The following KIF18B variants were observed in gnomAD, a reference collection of about 807,000 sequenced individuals.
KIF18B encodes the protein kinesin family member 18B.
Under a neutral mutation model 80.9 loss-of-function variants are expected in KIF18B, and 49 were observed. That is an observed-to-expected ratio of 0.61 (90% CI 0.48 to 0.77). The LOEUF (loss-of-function observed/expected upper bound fraction) is 0.77, where lower values mean the gene tolerates loss of function less well. Ranked by LOEUF, KIF18B falls within the 30% of genes least tolerant of loss-of-function variation. The pLI is 0.00. For missense variants in KIF18B, 994 were observed against 1,127.7 expected (o/e 0.88, Z 1.70); for synonymous variants, 439 against 463.9 (o/e 0.95, Z 0.69).
In KIF18B at chr17:44,928,894, G is replaced by T. The variant is rs977303024; in HGVS notation, c.1648C>A (p.Pro550Thr). Residue 550 changes from proline to threonine, a missense_variant, in exon 12 of 16, where the codon CCT (proline) becomes ACT (threonine). Pro to Thr is a conservative substitution (Grantham distance 38, BLOSUM62 -1). Transcript: ENST00000593135. ...QQLVQEEKIEPGAEALRTSGL... is the reference protein window; with the variant it reads ...QQLVQEEKIETGAEALRTSGL... ...GAAGTCCTCAAGGCCTCTGCCCCAG[G>T]CTCAATTTTTTCCTCTTGCACCAGC... is the stretch of plus-strand genomic sequence containing the variant. The T allele has an allele frequency of 1.2e-6, 2 of 1,613,986 alleles. No homozygotes were observed. Among genetic ancestry groups the T allele is most frequent in the Non-Finnish European group, 1.7e-6 (2 of 1,179,866 alleles).
Position 44,928,497 on chromosome 17 carries a change from C to T in KIF18B, c.1805G>A (p.Gly602Asp), listed in dbSNP as rs1270062602. Residue 602 changes from glycine (G) to aspartate (D), a missense_variant, in exon 13 of 16, where the codon GGC (glycine) becomes GAC (aspartate). Coordinates refer to ENST00000593135, the MANE Select transcript of KIF18B (RefSeq NM_001265577.2). ...CGGGATTCCCAGGGTGTGCAGGGGG[C>T]CACTCAGTCGCCTCGCCATAGTCCG... ...VTRTMARRLS[G>D]PLHTLGIPPG... 3 of 1,503,184 alleles carry T rather than the reference C, an allele frequency of 2.0e-6. No individual in the cohort carries two copies. The highest frequency in any genetic ancestry group is 2.7e-6 in the Non-Finnish European group (3 of 1,131,320). The allele number at this position is 1,503,184 out of a possible 1,614,324, so 93.1% of individuals were successfully genotyped here.
chr17:44,936,622 ATATTTTTTTTTTTTTTTTTTTTTT>A (rs2052315697), intron 1 of KIF18B, among the ~76,000 whole-genome samples: 1 of 43,848 alleles, frequency 2.3e-5, no homozygotes, highest in Non-Finnish European at 4.0e-5. Flanking sequence ...ATATATATAT[ATATTTTTTTTTTTTTTTTTTTTTT>A]TTTTTTTTTT....
At chr17:44,939,889 T>G (rs927688990) in intron 1 of KIF18B, among the ~76,000 whole-genome samples, 2 of 152,224 alleles carry the variant, frequency 1.3e-5, no homozygotes, top group African/African-American at 4.8e-5. Context: ...CTTGGCTCAC[T>G]GCAACCTCCG....
At position 44,936,417 on chromosome 17, in the gene KIF18B, C is replaced by T. The variant is rs765549909; in HGVS notation, c.-14-59G>A. On this transcript the variant is annotated intron_variant, in intron 1 of 15. Coordinates refer to ENST00000593135, the MANE Select transcript of KIF18B (RefSeq NM_001265577.2). ...CCACCCCAGGCCTGACCAGGTGCCC[C>T]CTCAGTACTCCAAGGTCCCCTCCAC... The T allele has an allele frequency of 1.2e-5, 18 of 1,451,810 alleles. 2 individuals are homozygous for T. The South Asian group carries it at 2.0e-4, about 16-fold the overall frequency. 89.9% of individuals were successfully genotyped at this position (1,451,810 alleles called of 1,614,324 possible).
Position 44,924,768 on chromosome 17 carries a change from T to C in KIF18B, c.*1312A>G, listed in dbSNP as rs542744923. On this transcript the variant is annotated 3_prime_UTR_variant, in exon 16 of 16. Transcript: ENST00000593135. The stretch of plus-strand genomic sequence containing the variant: ...ATATATGTATATATCTATATATATA[T>C]GCAGAAATAAAGGATCAGAAGGCTA... The C allele has an allele frequency of 3.9e-5, 6 of 152,292 alleles. No individual in the cohort carries two copies. The highest frequency in any genetic ancestry group is 2.1e-4 in the South Asian group (1 of 4,834). The allele number at this position is 152,292 out of a possible 1,614,324, so 9.4% of individuals were successfully genotyped here.
intron 1 of KIF18B, among the ~76,000 whole-genome samples, chr17:44,945,111 G>A (rs947302073): frequency 6.6e-6 from 1 of 152,178 alleles, no homozygotes; most frequent in Admixed American, 6.5e-5. Flanking sequence ...CTAGGGTAGA[G>A]TGCAGTGGCG....
Position 44,928,502 on chromosome 17 carries a change from C to G in KIF18B, c.1800G>C (p.Leu600=). 6.7e-7 allele frequency: 1 copy of G among 1,497,800 alleles called. No homozygotes were observed. Among genetic ancestry groups the G allele is most frequent in the Non-Finnish European group, 8.9e-7 (1 of 1,128,942 alleles). The allele number at this position is 1,497,800 out of a possible 1,614,324, so 92.8% of individuals were successfully genotyped here. A position where few individuals can be genotyped will look rare whatever the true frequency, so the allele number is the denominator to read the frequency against. ...TTCCCAGGGTGTGCAGGGGGCCACT[C>G]AGTCGCCTCGCCATAGTCCGGGTCA... ...GPVTRTMARR[L]SGPLHTLGIP... Residue 600 remains leucine, a synonymous_variant, in exon 13 of 16, where the codon CTG becomes CTC. Transcript: ENST00000593135.
intron 1 of KIF18B, among the ~76,000 whole-genome samples, chr17:44,938,492 A>G (rs919570588): frequency 2.0e-4 from 30 of 152,184 alleles, no homozygotes; most frequent in African/African-American, 6.7e-4. Flanking sequence ...TATAGCTTTT[A>G]TGTCATACTT....
At position 44,934,332 on chromosome 17, in the gene KIF18B, G is replaced by T; in HGVS notation, c.786C>A (p.Ser262=). ...LIDLAGSERA[S]STHAKGERLR... ...GCCGCTCCCCCTTCGCATGGGTGCT[G>T]GATGCCCGCTCTGAGCCAGCCAGGT... The change falls in exon 6 of 16, where the codon TCC becomes TCA. Residue 262 remains serine (S), a synonymous_variant. Coordinates refer to ENST00000593135, the MANE Select transcript of KIF18B (RefSeq NM_001265577.2). The surrounding 1 kb of genome is among the most constrained non-coding windows in gnomAD (Gnocchi z 5.4). 1 of 1,609,052 alleles carries T rather than the reference G, an allele frequency of 6.2e-7. No individual in the cohort carries two copies.
chr17:44,944,374 C>G (rs2052473340), intron 1 of KIF18B, among the ~76,000 whole-genome samples: 1 of 152,046 alleles, frequency 6.6e-6, no homozygotes, highest in African/African-American at 2.4e-5. Flanking sequence ...TCCTGAGTAG[C>G]TGGGACTACA....
At position 44,935,277 on chromosome 17, in the gene KIF18B, C is replaced by T. The variant is rs117875850; in HGVS notation, c.453G>A (p.Val151=). ...EARQQEKHFE[V]LISYQEVYNE... is the part of the protein sequence containing the mutation. ...AGCCGACCTCCTGGTAGCTGATGAG[C>T]ACCTCGAAGTGCTTCTCCTGCTGGC... is the stretch of plus-strand genomic sequence containing the variant. The change falls in exon 3 of 16, where the codon GTG becomes GTA. Residue 151 remains valine, a synonymous_variant. Coordinates refer to ENST00000593135, the MANE Select transcript of KIF18B (RefSeq NM_001265577.2). The T allele has an allele frequency of 6.2e-7, 1 of 1,608,090 alleles. No homozygotes were observed. The highest frequency in any genetic ancestry group is 8.5e-7 in the Non-Finnish European group (1 of 1,176,430).
Position 44,936,308 on chromosome 17 carries a change from G to A in KIF18B, c.37C>T (p.Arg13Trp), listed in dbSNP as rs779877640. The A allele has an allele frequency of 5.6e-6, 9 of 1,609,392 alleles. No individual in the cohort carries two copies. The highest frequency in any genetic ancestry group is 1.3e-5 in the African/African-American group (1 of 74,792). ...TCCCGAGGGGTGGGGGGCCGCACCC[G>A]TACCACTACTTGCAGCGTGCTGTCC... Reference protein sequence around the residue: ...VEDSTLQVVVRVRPPTPRELD... With the variant: ...VEDSTLQVVVWVRPPTPRELD... Residue 13 changes from arginine to tryptophan, a missense_variant, in exon 2 of 16, where the codon CGG becomes TGG. By Grantham distance (101) the Arg-to-Trp change is moderately radical. Transcript: ENST00000593135.
At position 44,925,987 on chromosome 17, in the gene KIF18B, A is replaced by G; in HGVS notation, c.*93T>C. The G allele has an allele frequency of 7.3e-7, 1 of 1,369,250 alleles. No homozygotes were observed. The highest frequency in any genetic ancestry group is 1.0e-6 in the Non-Finnish European group (1 of 967,272). 84.8% of individuals were successfully genotyped at this position (1,369,250 alleles called of 1,614,324 possible). A position where few individuals can be genotyped will look rare whatever the true frequency, so the allele number is the denominator to read the frequency against. ...GCTCCCAGGTAAGGAAGGCAGGTCC[A>G]GCTCCTGGTGCAGGTGGCTACAGGT... On this transcript the variant is annotated 3_prime_UTR_variant, in exon 16 of 16. Transcript: ENST00000593135.
In KIF18B at chr17:44,936,159, C is replaced by A; in HGVS notation, c.186G>T (p.Lys62Asn). Residue 62 changes from lysine (K) to asparagine (N), a missense_variant, in exon 2 of 16, where the codon AAG becomes AAT. Lys to Asn is a moderately conservative substitution (Grantham distance 94, BLOSUM62 0). Transcript: ENST00000593135. ...LKWGGTHDGPKKKGKDLTFVF... is the reference protein window; with the variant it reads ...LKWGGTHDGPNKKGKDLTFVF... ...CAAACGTCAGGTCTTTGCCCTTCTT[C>A]TTGGGGCCATCATGGGTGCCACCCC... 1 of 1,613,514 alleles carries A rather than the reference C, an allele frequency of 6.2e-7. No individual in the cohort carries two copies. The highest frequency in any genetic ancestry group is 1.3e-5 in the African/African-American group (1 of 75,046).
In KIF18B at chr17:44,926,465, G is replaced by A. The variant is rs777523695; in HGVS notation, c.2401C>T (p.Arg801Cys). 6.9e-6 allele frequency: 11 copies of A among 1,589,328 alleles called. No homozygotes were observed. Among genetic ancestry groups the A allele is most frequent in the South Asian group, 1.2e-5 (1 of 86,744 alleles). The stretch of plus-strand genomic sequence containing the variant: ...CTCTTCAAAGTGCTGCTGGGGAGGC[G>A]GGCGATGCGGCTGCGGCCATGGGAG... ...SVSHGRSRIA[R>C]LPSSTLKRPA... The change falls in exon 15 of 16, where the codon CGC becomes TGC. Residue 801 changes from arginine (R) to cysteine (C), a missense_variant. Coordinates refer to ENST00000593135, the MANE Select transcript of KIF18B (RefSeq NM_001265577.2).
chr17:44,926,571 G>A, intron 14 of KIF18B, 72 bp from the exon 15 acceptor site: 1 of 1,392,670 alleles, frequency 7.2e-7, no homozygotes, highest in Non-Finnish European at 9.5e-7. Flanking sequence ...ATTGAAGTGG[G>A]GCATATAAGT....
chr17:44,935,212 C>G (rs775287010), intron 3 of KIF18B, 47 bp downstream of exon 3: 1 of 1,522,658 alleles, frequency 6.6e-7, no homozygotes, highest in South Asian at 1.3e-5. Context: ...GGGCTCACTT[C>G]CCCCCGGGTG....
intron 11 of KIF18B, among the ~76,000 whole-genome samples, chr17:44,930,153 G>T (rs2052116388): frequency 6.6e-6 from 1 of 152,152 alleles, no homozygotes; most frequent in Non-Finnish European, 1.5e-5. Flanking sequence ...GGACACAGAG[G>T]AAACTCATTC....
chr17:44,929,110 C>A (rs1187912903), intron 11 of KIF18B, 86 bp from the exon 12 acceptor site: 2 of 1,222,696 alleles, frequency 1.6e-6, no homozygotes, highest in Non-Finnish European at 1.2e-6. Flanking sequence ...CCTCATCACT[C>A]CAGCTGTGGT....
Sources: allele counts gnomAD v4.1 joint callset (sites outside exome capture counted in the v4.1 genomes callset), GRCh38; gene constraint gnomAD v4.1.1; non-coding constraint Gnocchi (gnomAD v3.1); transcripts MANE v1.5; gene names NCBI Gene and HGNC (gene_info 2026-07-23, HGNC 2026-07-21).